FIP1L1: variants seen among roughly 807,000 people sequenced by gnomAD.
FIP1L1 encodes pre-mRNA 3'-end-processing factor FIP1.
Under a neutral mutation model 84.6 loss-of-function variants are expected in FIP1L1, and 21 were observed. The ratio of observed to expected loss-of-function variants is 0.25; its 90% CI spans 0.18 to 0.36. The LOEUF is 0.36. Ranked by LOEUF, FIP1L1 falls within the 10% of genes least tolerant of loss-of-function variation. FIP1L1 has a pLI of 1.00. For synonymous variants in FIP1L1, 263 were observed against 242.3 expected, an observed-to-expected ratio of 1.09 and a Z score of -0.80; for missense variants, 526 against 751.1, an observed-to-expected ratio of 0.70 and a Z score of 3.50.
At chr4:53,410,133 G>C (rs1382700751) in intron 10 of FIP1L1, among the ~76,000 whole-genome samples, 4 of 152,188 alleles carry the variant, frequency 2.6e-5, no homozygotes, top group African/African-American at 9.6e-5. Flanking sequence ...GGCCACCTTG[G>C]CTCCATCCTT....
chr4:53,408,996 G>C (rs529547549), intron 10 of FIP1L1, among the ~76,000 whole-genome samples: 2 of 152,124 alleles, frequency 1.3e-5, no homozygotes, highest in Admixed American at 1.3e-4. Flanking sequence ...CTCTCAACTC[G>C]TCAAAGGCAT....
chr4:53,442,546 CACATTCATATCCCCAGAG>C, intron 13 of FIP1L1, 89 bp from the exon 14 acceptor site: 1 of 725,368 alleles, frequency 1.4e-6, no homozygotes, highest in Non-Finnish European at 2.4e-6. Flanking sequence ...CATAGAGAAG[CACATTCATATCCCCAGAG>C]AAATTTAGTG....
chr4:53,425,221 A>G (rs1160385655), intron 11 of FIP1L1, among the ~76,000 whole-genome samples: 2 of 152,080 alleles, frequency 1.3e-5, no homozygotes, highest in Non-Finnish European at 2.9e-5. Context: ...TTTAAAATAC[A>G]ACTTACTAGG....
intron 10 of FIP1L1, among the ~76,000 whole-genome samples, chr4:53,410,366 A>C (rs1271350041): frequency 6.6e-6 from 1 of 152,218 alleles, no homozygotes; most frequent in Non-Finnish European, 1.5e-5. Flanking sequence ...TAGTTGTAAG[A>C]GGATCAACTT....
chr4:53,433,305 C>T (rs1767564982), intron 13 of FIP1L1, among the ~76,000 whole-genome samples: 1 of 152,168 alleles, frequency 6.6e-6, no homozygotes, highest in South Asian at 2.1e-4. Flanking sequence ...TAAGGATAGC[C>T]CCTGTAACCT....
intron 9 of FIP1L1, among the ~76,000 whole-genome samples, chr4:53,391,844 A>C (rs150146187): frequency 6.6e-6 from 1 of 152,292 alleles, no homozygotes. Flanking sequence ...AGAATTGGAA[A>C]CTTTTTTGTT....
intron 1 of FIP1L1, chr4:53,378,219 C>G (rs775953000): frequency 9.9e-5 from 32 of 322,786 alleles, no homozygotes; most frequent in Non-Finnish European, 1.7e-4. Context: ...TCTCGATCGC[C>G]TAGCTGCTGC....
chr4:53,412,018 TTTG>T (rs1265486979), intron 10 of FIP1L1, among the ~76,000 whole-genome samples: 2 of 152,082 alleles, frequency 1.3e-5, no homozygotes, highest in Non-Finnish European at 1.5e-5. Flanking sequence ...GCCTCCTTCA[TTTG>T]TTGTTGTCAT....
chr4:53,414,213 C>T (rs1758436174), intron 10 of FIP1L1, among the ~76,000 whole-genome samples: 3 of 152,058 alleles, frequency 2.0e-5, no homozygotes, highest in South Asian at 4.1e-4. Context: ...TACTTATATC[C>T]ATTGTTGAAG....
At chr4:53,378,226 C>A in intron 1 of FIP1L1, 1 of 314,612 alleles carries the variant, frequency 3.2e-6, no homozygotes, top group Non-Finnish European at 5.8e-6. Flanking sequence ...CGCCTAGCTG[C>A]TGCGCTCTTT....
chr4:53,385,745 T>C (rs1486576888), intron 5 of FIP1L1, among the ~76,000 whole-genome samples: 1 of 152,156 alleles, frequency 6.6e-6, no homozygotes, highest in African/African-American at 2.4e-5. Context: ...CAATCTACAT[T>C]TTGCTTTGTT....
rs1735295057 is a variant in FIP1L1, at chr4:53,377,704, G to A, written c.-135G>A. 1.3e-6 allele frequency: 1 copy of A among 757,566 alleles called. No homozygotes were observed. Among genetic ancestry groups the A allele is most frequent in the Non-Finnish European group, 2.0e-6 (1 of 499,848 alleles). The allele number at this position is 757,566 out of a possible 1,614,324, so 46.9% of individuals were successfully genotyped here. A position where few individuals can be genotyped will look rare whatever the true frequency, so the allele number is the denominator to read the frequency against. ...TTGCCGCCGCTGCCGTCGCCTTCCTGGGATTGGAGTCTCGAGCTTTCTTCG... is the reference window on the plus strand; with the variant it reads ...TTGCCGCCGCTGCCGTCGCCTTCCTAGGATTGGAGTCTCGAGCTTTCTTCG... On this transcript the variant is annotated 5_prime_UTR_variant, in exon 1 of 18. Coordinates refer to ENST00000337488, the MANE Select transcript of FIP1L1 (RefSeq NM_030917.4).
At chr4:53,440,671 T>G in intron 13 of FIP1L1, 1 of 1,152,180 alleles carries the variant, frequency 8.7e-7, no homozygotes, top group East Asian at 2.5e-5. Context: ...AGCTTATAGT[T>G]ACAGGAGAGA....
At chr4:53,404,157 C>A (rs1398675335) in intron 10 of FIP1L1, among the ~76,000 whole-genome samples, 3 of 102,304 alleles carry the variant, frequency 2.9e-5, no homozygotes, top group Non-Finnish European at 3.7e-5. Context: ...CTATCCCTCC[C>A]CCCTCCCCCC....
intron 4 of FIP1L1, 70 bp downstream of exon 4, chr4:53,382,405 A>G: frequency 2.3e-6 from 3 of 1,290,856 alleles, no homozygotes; most frequent in Non-Finnish European, 2.2e-6. Context: ...TTACATAGAA[A>G]GCAAGCTGGC....
At chr4:53,419,435 T>C (rs1761188101) in intron 11 of FIP1L1, among the ~76,000 whole-genome samples, 1 of 152,106 alleles carries the variant, frequency 6.6e-6, no homozygotes. Flanking sequence ...ACTAATTGGA[T>C]ATGTACTTTA....
At chr4:53,439,094 C>T (rs1420062470) in intron 13 of FIP1L1, among the ~76,000 whole-genome samples, 5 of 152,116 alleles carry the variant, frequency 3.3e-5, no homozygotes, top group Admixed American at 6.5e-5. Flanking sequence ...CCGTATTGTT[C>T]TAAAGAAAAT....
chr4:53,429,622 T>C (rs1219079674), intron 13 of FIP1L1, among the ~76,000 whole-genome samples: 1 of 152,226 alleles, frequency 6.6e-6, no homozygotes, highest in Non-Finnish European at 1.5e-5. Flanking sequence ...TTACTTAAAC[T>C]TTACTAGGTA....
At chr4:53,406,357 G>A (rs1296301413) in intron 10 of FIP1L1, among the ~76,000 whole-genome samples, 1 of 152,168 alleles carries the variant, frequency 6.6e-6, no homozygotes, top group African/African-American at 2.4e-5. Flanking sequence ...CAGGGATGAA[G>A]CCCACTTGAT....
Sources: allele counts gnomAD v4.1 joint callset (sites outside exome capture counted in the v4.1 genomes callset), GRCh38; gene constraint gnomAD v4.1.1; transcripts MANE v1.5; gene names NCBI Gene and HGNC (gene_info 2026-07-23, HGNC 2026-07-21).